NCOA2: variants seen among roughly 807,000 people sequenced by gnomAD.
The protein encoded by NCOA2 is nuclear receptor coactivator 2.
In NCOA2, 21 loss-of-function variants were observed where a neutral mutation model predicts 145.1. That is an observed-to-expected ratio of 0.14 (90% confidence interval 0.10 to 0.21). The LOEUF (loss-of-function observed/expected upper bound fraction) is 0.21. Ranked by LOEUF, NCOA2 falls within the 10% of genes least tolerant of loss-of-function variation. The pLI is 1.00. For missense variants in NCOA2, 1,472 were observed against 1,837.6 expected, an observed-to-expected ratio of 0.80 and a Z score of 3.64; for synonymous variants, 619 against 637.5, an observed-to-expected ratio of 0.97 and a Z score of 0.44.
chr8:70,232,325 T>C (rs1821211187), intron 2 of NCOA2, among the ~76,000 whole-genome samples: 1 of 152,302 alleles, frequency 6.6e-6, no homozygotes. Context: ...AAGGGGAAGC[T>C]GAGCACTGAT....
At chr8:70,216,429 G>A (rs891026750) in intron 3 of NCOA2, among the ~76,000 whole-genome samples, 3 of 152,138 alleles carry the variant, frequency 2.0e-5, no homozygotes, top group Non-Finnish European at 4.4e-5. Flanking sequence ...TTGATTCTAA[G>A]AGTCAAAAGA....
At chr8:70,275,397 A>T (rs1825391267) in intron 2 of NCOA2, among the ~76,000 whole-genome samples, 2 of 152,182 alleles carry the variant, frequency 1.3e-5, no homozygotes, top group Non-Finnish European at 2.9e-5. Context: ...ATACTATATA[A>T]ATCATGTAAA....
At chr8:70,235,307 TA>T (rs1821499713) in intron 2 of NCOA2, among the ~76,000 whole-genome samples, 2 of 152,140 alleles carry the variant, frequency 1.3e-5, no homozygotes. Context: ...GGAATGGAGT[TA>T]TTAATGGTTT....
chr8:70,267,656 G>A (rs990852939), intron 2 of NCOA2, among the ~76,000 whole-genome samples: 4 of 151,870 alleles, frequency 2.6e-5, no homozygotes, highest in African/African-American at 7.3e-5. Context: ...GCTAGGTGAT[G>A]GAAATGCTGT....
intron 2 of NCOA2, among the ~76,000 whole-genome samples, chr8:70,269,452 T>A (rs1824873645): frequency 6.6e-6 from 1 of 151,860 alleles, no homozygotes; most frequent in African/African-American, 2.4e-5. Context: ...TGAGACTCTA[T>A]CTCTAAAAAA....
chr8:70,227,447 CT>C (rs1214702513), intron 2 of NCOA2, among the ~76,000 whole-genome samples: 5 of 152,142 alleles, frequency 3.3e-5, no homozygotes, highest in Non-Finnish European at 7.3e-5. Flanking sequence ...AAGAAGTATT[CT>C]TCTGAAATAC....
In NCOA2 at chr8:70,156,524, T is replaced by C; in HGVS notation, c.1841A>G (p.Asp614Gly). ...CHPGEQKETN[D>G]PNLPPAVSSE... ...GCTCACGGCCGGGGGCAGGTTGGGG[T>C]CATTTGTTTCCTTTTGCTCTCCAGG... Residue 614 changes from aspartate (D) to glycine (G), a missense_variant, in exon 11 of 23, where the codon GAC (aspartate) becomes GGC (glycine). This residue lies in a region of NCOA2 where 953 missense variants were observed against 1,062.1 expected (regional missense o/e 0.90). Coordinates refer to ENST00000452400, the MANE Select transcript of NCOA2 (RefSeq NM_006540.4). The C allele has an allele frequency of 1.2e-6, 2 of 1,613,652 alleles. No homozygotes were observed. Among genetic ancestry groups the C allele is most frequent in the South Asian group, 2.2e-5 (2 of 91,074 alleles).
At chr8:70,276,802 C>T (rs916832997) in intron 2 of NCOA2, among the ~76,000 whole-genome samples, 1 of 152,102 alleles carries the variant, frequency 6.6e-6, no homozygotes, top group Non-Finnish European at 1.5e-5. Flanking sequence ...AATATATACA[C>T]CCGTTAGTCT....
chr8:70,151,495 C>G (rs760652343), intron 11 of NCOA2, among the ~76,000 whole-genome samples: 1 of 152,192 alleles, frequency 6.6e-6, no homozygotes, highest in African/African-American at 2.4e-5. Context: ...ACCATGTTGG[C>G]TAGGCTGGTC....
chr8:70,454,392 A>G, the NCOA2 span, among the ~76,000 whole-genome samples: 1 of 152,230 alleles, frequency 6.6e-6, no homozygotes, highest in Non-Finnish European at 1.5e-5. Context: ...GAACTGCTCT[A>G]TTCATCAAAA....
At chr8:70,171,646 T>C (rs1312912765) in intron 5 of NCOA2, among the ~76,000 whole-genome samples, 1 of 152,208 alleles carries the variant, frequency 6.6e-6, no homozygotes, top group Non-Finnish European at 1.5e-5. Flanking sequence ...GTCAGTTTCT[T>C]TGTGATATGT....
chr8:70,377,577 A>G (rs1459059204), intron 1 of NCOA2, among the ~76,000 whole-genome samples: 1 of 152,152 alleles, frequency 6.6e-6, no homozygotes, highest in Non-Finnish European at 1.5e-5. Flanking sequence ...GTGATTTGAA[A>G]TCACATTTTT....
chr8:70,188,461 C>T (rs1048354965), intron 4 of NCOA2, among the ~76,000 whole-genome samples: 3 of 152,168 alleles, frequency 2.0e-5, no homozygotes, highest in Admixed American at 6.5e-5. Context: ...AAATGCCCTG[C>T]TTCACAGGGA....
chr8:70,376,224 AT>A (rs1811655254), intron 1 of NCOA2, among the ~76,000 whole-genome samples: 2 of 152,188 alleles, frequency 1.3e-5, no homozygotes, highest in Admixed American at 1.3e-4. Flanking sequence ...ATCACTTCCT[AT>A]TTTAGGAATA....
At chr8:70,213,268 TA>T (rs1819243877) in intron 4 of NCOA2, among the ~76,000 whole-genome samples, 1 of 152,152 alleles carries the variant, frequency 6.6e-6, no homozygotes, top group African/African-American at 2.4e-5. Flanking sequence ...AATGTGTTCT[TA>T]AAAACATTAT....
chr8:70,244,526 C>T (rs922783093), intron 2 of NCOA2, among the ~76,000 whole-genome samples: 1 of 151,882 alleles, frequency 6.6e-6, no homozygotes, highest in African/African-American at 2.4e-5. Flanking sequence ...ATCAAGGCCT[C>T]CACCAAAAAT....
rs147779379 is a variant in NCOA2 at position 70,364,247 on chromosome 8, G to GA, written c.-77+39452dup. On this transcript the variant is annotated intron_variant, in intron 1 of 22. Transcript: ENST00000452400. ...ACTTTTGAGTTTTACATTTAGGACTGAAAAAAAAAAGGAAATGTCATATCT... is the reference window on the plus strand; with the variant it reads ...ACTTTTGAGTTTTACATTTAGGACTGAAAAAAAAAAAGGAAATGTCATATCT... Among the ~76,000 whole-genome samples, 909 of 141,738 alleles carry GA rather than the reference G, an allele frequency of 6.4e-3. 4 individuals carry two copies. Among genetic ancestry groups the GA allele is most frequent in the African/African-American group, 0.022 (840 of 38,682 alleles). The allele number at this position is 141,738 out of a possible 152,430, so 93.0% of individuals were successfully genotyped here. A position where few individuals can be genotyped will look rare whatever the true frequency, so the allele number is the denominator to read the frequency against.
At chr8:70,280,350 T>C (rs1384616808) in intron 2 of NCOA2, among the ~76,000 whole-genome samples, 2 of 152,144 alleles carry the variant, frequency 1.3e-5, no homozygotes, top group African/African-American at 2.4e-5. Context: ...CAGCACAGAA[T>C]TGGACCAACT....
At chr8:70,449,841 G>T in the NCOA2 span, among the ~76,000 whole-genome samples, 1 of 152,164 alleles carries the variant, frequency 6.6e-6, no homozygotes, top group Non-Finnish European at 1.5e-5. Context: ...AGAAAGCATC[G>T]ATGTCAACCT....
Sources: gnomAD v4.1 joint callset for allele counts (sites outside exome capture counted in the v4.1 genomes callset) on GRCh38, gnomAD v4.1.1 for gene constraint, gnomAD v4.1.1 regional missense constraint, MANE v1.5 for transcripts, NCBI Gene and HGNC (gene_info 2026-07-23, HGNC 2026-07-21) for gene names.